HEXD: variants seen among roughly 807,000 people sequenced by gnomAD.
HEXD encodes the protein hexosaminidase D, also known as N-acetyl-beta-galactosaminidase.
A neutral mutation model predicts 54.2 loss-of-function variants in HEXD; 47 were observed. That is an observed-to-expected ratio of 0.87 (90% CI 0.69 to 1.11). The LOEUF is 1.11. Ranked by LOEUF, HEXD falls within the 50% of genes least tolerant of loss-of-function variation. HEXD has a pLI of 0.00. For synonymous variants in HEXD, 293 were observed against 287.6 expected (o/e 1.02, Z -0.19); for missense variants, 576 against 649.2 (o/e 0.89, Z 1.23).
chr17:82,419,984 C>T (rs2053183063), intron 2 of HEXD, 101 bp downstream of exon 2: 1 of 571,058 alleles, frequency 1.8e-6, no homozygotes, highest in Non-Finnish European at 3.0e-6. Context: ...TAGAACACAA[C>T]CACAAGGTTC....
intron 11 of HEXD, among the ~76,000 whole-genome samples, 183 bp downstream of exon 11, chr17:82,441,449 G>A (rs2053961801): frequency 6.7e-6 from 1 of 150,104 alleles, no homozygotes. Context: ...AGGTGAACAG[G>A]CAGGTGTGAG....
At chr17:82,432,082 T>C (rs2053590428) in intron 4 of HEXD, among the ~76,000 whole-genome samples, 1 of 152,144 alleles carries the variant, frequency 6.6e-6, no homozygotes, top group Admixed American at 6.5e-5. Context: ...TCATAGTTGG[T>C]GGTCAGCCAA....
Position 82,442,216 on chromosome 17 carries a change from G to C in HEXD, c.1293G>C (p.Glu431Asp), listed in dbSNP as rs1356663918. The C allele has an allele frequency of 6.2e-7, 1 of 1,604,514 alleles. No homozygotes were observed. The highest frequency in any genetic ancestry group is 1.1e-5 in the South Asian group (1 of 91,070). The change falls in exon 13 of 13, where the codon GAG becomes GAC. Residue 431 changes from glutamate to aspartate, a missense_variant. Coordinates refer to ENST00000327949, the MANE Select transcript of HEXD (RefSeq NM_001330542.2). This position sits in a 1 kb window ranked among gnomAD's most constrained non-coding sequence, Gnocchi z 6.8. Reference sequence around the variant, plus strand: ...GGAGCACCCTCGTGCAGGAGCTGGAGGCTGCCCTGCAGCTGGCTTTCTACC... The same window carrying C: ...GGAGCACCCTCGTGCAGGAGCTGGACGCTGCCCTGCAGCTGGCTTTCTACC... ...AQWSTLVQEL[E>D]AALQLAFYPD...
At chr17:82,433,117 TA>T (rs2053646673) in intron 4 of HEXD, among the ~76,000 whole-genome samples, 1 of 15,060 alleles carries the variant, frequency 6.6e-5, no homozygotes, top group African/African-American at 7.4e-4. Context: ...TATATATATA[TA>T]TATATATATA....
At chr17:82,423,880 A>C (rs2053314247) in intron 2 of HEXD, among the ~76,000 whole-genome samples, 1 of 150,944 alleles carries the variant, frequency 6.6e-6, no homozygotes, top group Non-Finnish European at 1.5e-5. Context: ...GGACCCCATG[A>C]GTACAGACCA....
rs766263669 is a variant in HEXD, at chr17:82,433,965, A to G, written c.447+143A>G. 26 of 770,442 alleles carry G rather than the reference A, an allele frequency of 3.4e-5. No homozygotes were observed. In the East Asian group the frequency reaches 7.3e-4, roughly 22 times the overall value. The allele number at this position is 770,442 out of a possible 1,614,324, so 47.7% of individuals were successfully genotyped here. A position where few individuals can be genotyped will look rare whatever the true frequency, so the allele number is the denominator to read the frequency against. On this transcript the variant is annotated intron_variant, in intron 5 of 12. Transcript: ENST00000327949. ...GGCACCCCATCCAACATCTTCTCCG[A>G]GTGGATGGGCGGCCTGGCACGGGAC...
Position 82,434,375 on chromosome 17 carries a change from G to A in HEXD, c.447+553G>A, listed in dbSNP as rs1232757881. On this transcript the variant is annotated intron_variant, in intron 5 of 12. Transcript: ENST00000327949. This position sits in a 1 kb window ranked among gnomAD's most constrained non-coding sequence, Gnocchi z 4.5. ...TGGACTCCAACTCAGTCAGGGCCTG[G>A]GCAGGATGTGGAACTGAAAGGGGCG... 6.6e-6 allele frequency among the ~76,000 whole-genome samples: 1 copy of A among 152,232 alleles called. No individual in the cohort carries two copies. Among genetic ancestry groups the A allele is most frequent in the Admixed American group, 6.5e-5 (1 of 15,284 alleles).
chr17:82,436,457 C>T (rs1254664168), intron 6 of HEXD, among the ~76,000 whole-genome samples: 1 of 152,222 alleles, frequency 6.6e-6, no homozygotes, highest in Non-Finnish European at 1.5e-5. Flanking sequence ...GGTAGAGCAG[C>T]AGTGGGAGCA....
intron 4 of HEXD, among the ~76,000 whole-genome samples, chr17:82,433,063 C>A (rs1311297658): frequency 3.7e-5 from 1 of 26,784 alleles, no homozygotes; most frequent in Non-Finnish European, 6.6e-5. Flanking sequence ...AAGACTCCAT[C>A]TCAAAAAAAA....
At chr17:82,431,849 G>T (rs1421464442) in intron 4 of HEXD, among the ~76,000 whole-genome samples, 3 of 152,142 alleles carry the variant, frequency 2.0e-5, no homozygotes, top group African/African-American at 7.2e-5. Flanking sequence ...CAAAATTTTT[G>T]GTTGAGAACT....
Position 82,418,414 on chromosome 17 carries a change from G to A in HEXD, c.-378G>A. ...GCCCTTCCCCTCCTCACCGCTACCTGCTCCGGTTCCGGCGCTCGGCCGCTC... is the reference window on the plus strand; with the variant it reads ...GCCCTTCCCCTCCTCACCGCTACCTACTCCGGTTCCGGCGCTCGGCCGCTC... On this transcript the variant is annotated 5_prime_UTR_variant, in exon 1 of 13. Coordinates refer to ENST00000327949, the MANE Select transcript of HEXD (RefSeq NM_001330542.2). 4 of 1,477,978 alleles carry A rather than the reference G, an allele frequency of 2.7e-6. No homozygotes were observed. The highest frequency in any genetic ancestry group is 3.6e-6 in the Non-Finnish European group (4 of 1,119,842). The allele number at this position is 1,477,978 out of a possible 1,614,324, so 91.6% of individuals were successfully genotyped here.
intron 6 of HEXD, among the ~76,000 whole-genome samples, chr17:82,436,409 C>T (rs1391831699): frequency 1.3e-5 from 2 of 152,250 alleles, no homozygotes; most frequent in African/African-American, 4.8e-5. Flanking sequence ...GACCTCCATT[C>T]AGCCGCGTGC....
intron 8 of HEXD, chr17:82,439,395 A>G: frequency 4.1e-6 from 4 of 976,882 alleles, no homozygotes; most frequent in Non-Finnish European, 4.9e-6. Context: ...CATTGCAGCA[A>G]GGAATCCCCA....
chr17:82,437,675 C>T (rs1567894942), intron 8 of HEXD, among the ~76,000 whole-genome samples: 1 of 151,988 alleles, frequency 6.6e-6, no homozygotes, highest in Non-Finnish European at 1.5e-5. Flanking sequence ...GGAGGGGTTT[C>T]GGTTCTTTCA....
Position 82,441,258 on chromosome 17 carries a change from G to C in HEXD, c.1155G>C (p.Glu385Asp). ...GCAGCTCTGTGGATGCGCTGCTGGA[G>C]GGCAACAGGTGAGCGTGTGGGTTAG... ...HLRSSVDALL[E>D]GNRYVTGWFS... The change falls in exon 11 of 13, where the codon GAG becomes GAC. Residue 385 changes from glutamate (E) to aspartate (D), a missense_variant. Transcript: ENST00000327949. The C allele has an allele frequency of 1.9e-6, 3 of 1,612,044 alleles. No homozygotes were observed. Among genetic ancestry groups the C allele is most frequent in the Non-Finnish European group, 2.5e-6 (3 of 1,179,668 alleles).
chr17:82,430,892 A>AT (rs2053558874), intron 4 of HEXD, among the ~76,000 whole-genome samples: 1 of 151,616 alleles, frequency 6.6e-6, no homozygotes, highest in South Asian at 2.1e-4. Flanking sequence ...GATCACAAAG[A>AT]TTTTTCTTGT....
At chr17:82,431,264 G>A (rs1162308670) in intron 4 of HEXD, among the ~76,000 whole-genome samples, 4 of 151,894 alleles carry the variant, frequency 2.6e-5, no homozygotes, top group African/African-American at 4.8e-5. Flanking sequence ...TCAGCCTCTC[G>A]GAGCGCTGGG....
Position 82,418,396 on chromosome 17 carries a change from C to A in HEXD, c.-396C>A, listed in dbSNP as rs950581829. The A allele has an allele frequency of 2.6e-5, 38 of 1,472,696 alleles. No homozygotes were observed. The highest frequency in any genetic ancestry group is 3.3e-5 in the Non-Finnish European group (37 of 1,115,654). The allele number at this position is 1,472,696 out of a possible 1,614,324, so 91.2% of individuals were successfully genotyped here. A position where few individuals can be genotyped will look rare whatever the true frequency, so the allele number is the denominator to read the frequency against. Reference sequence around the variant, plus strand: ...TCCGCCGCCGCAGCGCGCGCCCTTCCCCTCCTCACCGCTACCTGCTCCGGT... The same window carrying A: ...TCCGCCGCCGCAGCGCGCGCCCTTCACCTCCTCACCGCTACCTGCTCCGGT... On this transcript the variant is annotated 5_prime_UTR_variant, in exon 1 of 13. Transcript: ENST00000327949.
chr17:82,437,566 C>G (rs965886659), intron 8 of HEXD, among the ~76,000 whole-genome samples: 3 of 152,234 alleles, frequency 2.0e-5, no homozygotes, highest in African/African-American at 7.2e-5. Flanking sequence ...CTCCCGTGTT[C>G]AGGGTCACGA....
Sources: allele counts gnomAD v4.1 joint callset (sites outside exome capture counted in the v4.1 genomes callset), GRCh38; gene constraint gnomAD v4.1.1; non-coding constraint Gnocchi (gnomAD v3.1); transcripts MANE v1.5; gene names NCBI Gene and HGNC (gene_info 2026-07-23, HGNC 2026-07-21).